Variants in CCDC102B observed in about 807,000 individuals in gnomAD.
CCDC102B encodes coiled-coil domain-containing protein 102B.
In CCDC102B, 75 loss-of-function variants were observed where a neutral mutation model predicts 57.4. That is an observed-to-expected ratio of 1.31 (90% confidence interval 1.08 to 1.58). CCDC102B has a LOEUF of 1.58. Among genes scored for constraint, CCDC102B ranks in the 40% most tolerant of loss-of-function variants. The pLI is 0.00. For missense variants in CCDC102B, 636 were observed against 582.6 expected (o/e 1.09, Z -0.94); for synonymous variants, 206 against 201.9 (o/e 1.02, Z -0.17).
chr18:68,850,908 AT>A (rs1243066940), intron 4 of CCDC102B, among the ~76,000 whole-genome samples: 7 of 152,160 alleles, frequency 4.6e-5, no homozygotes, highest in Admixed American at 3.3e-4. Context: ...CATTAAAAAA[AT>A]AGTCTCTGTC....
At chr18:68,736,367 A>G (rs2033128544) in intron 2 of CCDC102B, among the ~76,000 whole-genome samples, 1 of 152,204 alleles carries the variant, frequency 6.6e-6, no homozygotes, top group African/African-American at 2.4e-5. Context: ...GTGAAACACA[A>G]ACATCTTTCT....
At chr18:68,733,636 C>T (rs183484251) in intron 2 of CCDC102B, among the ~76,000 whole-genome samples, 55 of 151,746 alleles carry the variant, frequency 3.6e-4, no homozygotes, top group East Asian at 7.8e-4. Flanking sequence ...TCACGTGTTA[C>T]GATTTGCTAA....
intron 5 of CCDC102B, among the ~76,000 whole-genome samples, chr18:68,879,502 C>T (rs545358599): frequency 6.6e-6 from 1 of 152,128 alleles, no homozygotes; most frequent in African/African-American, 2.4e-5. Context: ...ATTTACAATC[C>T]CTGAGCTAGA....
At chr18:68,836,378 C>A (rs1188367063) in intron 1 of CCDC102B, among the ~76,000 whole-genome samples, 1 of 152,022 alleles carries the variant, frequency 6.6e-6, no homozygotes, top group Non-Finnish European at 1.5e-5. Flanking sequence ...GCCTGTAATC[C>A]CAGCACTTTG....
chr18:68,717,167 C>T (rs899453353), intron 2 of CCDC102B, among the ~76,000 whole-genome samples: 1 of 152,050 alleles, frequency 6.6e-6, no homozygotes, highest in Admixed American at 6.5e-5. Context: ...TAAGTTGGGC[C>T]AGGGAAGTTG....
At chr18:68,727,876 T>G (rs2032670838) in intron 2 of CCDC102B, among the ~76,000 whole-genome samples, 1 of 152,206 alleles carries the variant, frequency 6.6e-6, no homozygotes, top group African/African-American at 2.4e-5. Flanking sequence ...GCATATTGAC[T>G]CTTGGACTGT....
intron 6 of CCDC102B, among the ~76,000 whole-genome samples, chr18:68,938,956 T>A (rs1441533480): frequency 6.6e-6 from 1 of 151,804 alleles, no homozygotes; most frequent in African/African-American, 2.4e-5. Flanking sequence ...TACTTCATTA[T>A]TAATTTGTGT....
intron 2 of CCDC102B, among the ~76,000 whole-genome samples, chr18:68,778,278 A>G (rs555310400): frequency 2.6e-3 from 391 of 152,204 alleles, no homozygotes; most frequent in African/African-American, 9.1e-3. Context: ...AAACAACACC[A>G]TCCATCTTTT....
intron 4 of CCDC102B, among the ~76,000 whole-genome samples, chr18:68,868,640 C>A (rs1159584565): frequency 6.6e-6 from 1 of 152,142 alleles, no homozygotes; most frequent in Non-Finnish European, 1.5e-5. Context: ...TGCTACCAAA[C>A]CTGACTAACT....
chr18:68,717,535 A>G (rs1314517151), intron 2 of CCDC102B, among the ~76,000 whole-genome samples: 3 of 152,204 alleles, frequency 2.0e-5, no homozygotes, highest in African/African-American at 7.2e-5. Context: ...TCACTGATCT[A>G]GGCAATGAGA....
chr18:68,854,279 T>C (rs1012771485), intron 4 of CCDC102B, among the ~76,000 whole-genome samples: 1 of 152,058 alleles, frequency 6.6e-6, no homozygotes, highest in African/African-American at 2.4e-5. Flanking sequence ...TTTGTATTTT[T>C]AGTAGAGAAA....
intron 2 of CCDC102B, among the ~76,000 whole-genome samples, chr18:68,747,041 A>T (rs535297761): frequency 6.6e-6 from 1 of 152,158 alleles, no homozygotes; most frequent in African/African-American, 2.4e-5. Flanking sequence ...GCATAATGAG[A>T]ACATCCATCA....
downstream of CCDC102B, among the ~76,000 whole-genome samples, chr18:69,055,632 G>A (rs1001061326): frequency 1.3e-5 from 2 of 152,040 alleles, no homozygotes; most frequent in Non-Finnish European, 2.9e-5. Context: ...CCCCTTGCCT[G>A]ACCATGTTTC....
chr18:69,023,286 A>G (rs2051897808), intron 7 of CCDC102B, among the ~76,000 whole-genome samples: 1 of 152,288 alleles, frequency 6.6e-6, no homozygotes, highest in East Asian at 1.9e-4. Flanking sequence ...AATTTTAACT[A>G]TTGAAATGTA....
chr18:68,887,734 C>T (rs1298059535), intron 5 of CCDC102B, among the ~76,000 whole-genome samples: 1 of 152,154 alleles, frequency 6.6e-6, no homozygotes, highest in East Asian at 1.9e-4. Flanking sequence ...GTCCAGAATC[C>T]TAAAGTTTTA....
chr18:69,053,794 G>T (rs745573041), intron 7 of CCDC102B, among the ~76,000 whole-genome samples: 1 of 151,198 alleles, frequency 6.6e-6, no homozygotes, highest in Non-Finnish European at 1.5e-5. Flanking sequence ...AGTAAAATTT[G>T]TACATATTTA....
chr18:68,891,612 A>T (rs1203096654), intron 5 of CCDC102B, among the ~76,000 whole-genome samples: 1 of 152,188 alleles, frequency 6.6e-6, no homozygotes, highest in Admixed American at 6.5e-5. Flanking sequence ...GTTCTGGAGG[A>T]TGGAAGTCCA....
intron 6 of CCDC102B, among the ~76,000 whole-genome samples, chr18:68,909,686 T>G (rs1423769281): frequency 6.6e-6 from 1 of 152,208 alleles, no homozygotes; most frequent in African/African-American, 2.4e-5. Context: ...TAGTTTGGAA[T>G]CAACTGTGGG....
intron 6 of CCDC102B, among the ~76,000 whole-genome samples, chr18:68,954,953 T>C (rs935132838): frequency 6.6e-6 from 1 of 152,210 alleles, no homozygotes; most frequent in African/African-American, 2.4e-5. Flanking sequence ...CTTACAACAA[T>C]GACACTACAG....
Sources: allele counts gnomAD v4.1 joint callset (sites outside exome capture counted in the v4.1 genomes callset), GRCh38; gene constraint gnomAD v4.1.1; transcripts MANE v1.5; gene names NCBI Gene and HGNC (gene_info 2026-07-23, HGNC 2026-07-21).